ABL2: variants seen among roughly 807,000 people sequenced by gnomAD.
ABL2 encodes the protein ABL proto-oncogene 2, non-receptor tyrosine kinase, also known as tyrosine-protein kinase ABL2.
Under a neutral mutation model 107.7 loss-of-function variants are expected in ABL2, and 49 were observed. That is an observed-to-expected ratio of 0.45 (90% CI 0.36 to 0.58). ABL2 has a LOEUF of 0.58. Ranked by LOEUF, ABL2 falls within the 20% of genes least tolerant of loss-of-function variation. The pLI, the probability that ABL2 is intolerant of heterozygous loss-of-function variation, is 0.00. For synonymous variants in ABL2, 549 were observed against 548.6 expected, an observed-to-expected ratio of 1.00 and a Z score of -0.01; for missense variants, 1,245 against 1,457.0, an observed-to-expected ratio of 0.85 and a Z score of 2.37.
intron 1 of ABL2, among the ~76,000 whole-genome samples, chr1:179,215,694 CAAA>C (rs879696561): frequency 8.1e-6 from 1 of 123,100 alleles, no homozygotes. Context: ...GACTCTGCCT[CAAA>C]AAAAAAAAAG....
In ABL2 at chr1:179,114,846, C is replaced by T. The variant is rs371627537; in HGVS notation, c.1561+32G>A. The T allele has an allele frequency of 4.5e-5, 71 of 1,568,096 alleles. 1 individual carries two copies. The highest frequency in any genetic ancestry group is 6.0e-5 in the Non-Finnish European group (70 of 1,157,718). ...AACTATTCTGAACTGCTAGCTTATGCCTTCAAAATTAAAACATGCAAAAAT... is the reference window on the plus strand; with the variant it reads ...AACTATTCTGAACTGCTAGCTTATGTCTTCAAAATTAAAACATGCAAAAAT... On this transcript the variant is annotated intron_variant, in intron 9 of 11. Transcript: ENST00000502732.
chr1:179,163,281 G>A (rs1207598998), intron 1 of ABL2, among the ~76,000 whole-genome samples: 1 of 152,164 alleles, frequency 6.6e-6, no homozygotes, highest in Non-Finnish European at 1.5e-5. Flanking sequence ...TTGCTGAGGG[G>A]AACACAAAAT....
At chr1:179,120,362 C>A (rs1429360371) in intron 5 of ABL2, 88 bp from the exon 6 acceptor site, 13 of 683,564 alleles carry the variant, frequency 1.9e-5, no homozygotes, top group Non-Finnish European at 2.9e-5. Flanking sequence ...AATCATAAAG[C>A]TTCAGCTTTA....
At chr1:179,150,500 A>G (rs188521100) in intron 1 of ABL2, among the ~76,000 whole-genome samples, 84 of 152,304 alleles carry the variant, frequency 5.5e-4, no homozygotes, top group African/African-American at 1.8e-3. Flanking sequence ...AGAGAACTAG[A>G]ATTACAAGTG....
At chr1:179,136,127 A>G (rs1263766873) in intron 1 of ABL2, among the ~76,000 whole-genome samples, 1 of 145,950 alleles carries the variant, frequency 6.9e-6, no homozygotes. Context: ...CCCGTCCGGG[A>G]GGTGAGGGGC....
intron 1 of ABL2, among the ~76,000 whole-genome samples, chr1:179,189,993 T>C (rs1660906696): frequency 6.6e-6 from 1 of 152,128 alleles, no homozygotes; most frequent in African/African-American, 2.4e-5. Context: ...GCTAATTTTG[T>C]ATTTTTAGTA....
intron 1 of ABL2, among the ~76,000 whole-genome samples, chr1:179,185,844 A>T (rs1571274338): frequency 6.6e-6 from 1 of 152,180 alleles, no homozygotes; most frequent in African/African-American, 2.4e-5. Flanking sequence ...TAATTTAAAA[A>T]ATTACCTTCT....
intron 10 of ABL2, chr1:179,110,699 T>C: frequency 6.3e-7 from 1 of 1,599,656 alleles, no homozygotes; most frequent in South Asian, 1.1e-5. Context: ...AACGTGTGAA[T>C]ATACCACAAT....
chr1:179,161,945 ACT>A (rs1659092586), intron 1 of ABL2, among the ~76,000 whole-genome samples: 2 of 151,808 alleles, frequency 1.3e-5, no homozygotes, highest in African/African-American at 4.8e-5. Context: ...TCTCTTTCTC[ACT>A]CTCTTTGCCC....
rs118111259 is a variant in ABL2, at chr1:179,124,387, T to G, written c.687+1990A>C. 9.3e-5 allele frequency among the ~76,000 whole-genome samples: 14 copies of G among 150,816 alleles called. No homozygotes were observed. The East Asian group carries it at 2.5e-3, about 27-fold the overall frequency. ...TAACATGATCAGCACCCCAGAAGCC[T>G]CCCTTATGCTCTCCAGCTATTTGCC... On this transcript the variant is annotated intron_variant, in intron 4 of 11. Transcript: ENST00000502732.
chr1:179,208,344 C>T (rs935664894), intron 1 of ABL2, among the ~76,000 whole-genome samples: 1 of 151,816 alleles, frequency 6.6e-6, no homozygotes, highest in African/African-American at 2.4e-5. Flanking sequence ...ATTATTCCCA[C>T]CTTTATGTCC....
chr1:179,114,247 C>CAA (rs879471805), intron 9 of ABL2, among the ~76,000 whole-genome samples: 1 of 137,270 alleles, frequency 7.3e-6, no homozygotes. Context: ...GAGTCCGTCT[C>CAA]AAAAAAAAAA....
chr1:179,198,858 T>TA (rs1165474149), intron 1 of ABL2, among the ~76,000 whole-genome samples: 1 of 144,844 alleles, frequency 6.9e-6, no homozygotes, highest in Non-Finnish European at 1.5e-5. Context: ...TTTTTTTTTT[T>TA]AAAGATGGAG....
At chr1:179,223,064 C>T (rs1325951770) in intron 1 of ABL2, among the ~76,000 whole-genome samples, 2 of 145,372 alleles carry the variant, frequency 1.4e-5, no homozygotes. Flanking sequence ...GAGCCAAGAT[C>T]GCGCCACTGC....
intron 1 of ABL2, among the ~76,000 whole-genome samples, chr1:179,225,741 G>A (rs556885634): frequency 4.6e-5 from 7 of 152,156 alleles, no homozygotes; most frequent in Middle Eastern, 3.4e-3. Flanking sequence ...ATGCCGCCGA[G>A]GTTAAGAAAC....
chr1:179,190,105 C>G lies in ABL2; in HGVS notation c.157+39136G>C, dbSNP rs566895142. Among the ~76,000 whole-genome samples the G allele has an allele frequency of 9.2e-5, 14 of 152,220 alleles. 1 individual carries two copies. In the South Asian group the frequency reaches 2.9e-3, roughly 32 times the overall value. On this transcript the variant is annotated intron_variant, in intron 1 of 11. Coordinates refer to ENST00000502732, the MANE Select transcript of ABL2 (RefSeq NM_007314.4). Reference sequence around the variant, plus strand: ...GTGCTGGGATTACAGGCGTGAGCCACCGGGCCCAGCCTGGGTGTCTTACAA... The same window carrying G: ...GTGCTGGGATTACAGGCGTGAGCCAGCGGGCCCAGCCTGGGTGTCTTACAA...
At chr1:179,176,264 G>C (rs1464378492) in intron 1 of ABL2, among the ~76,000 whole-genome samples, 1 of 152,058 alleles carries the variant, frequency 6.6e-6, no homozygotes, top group African/African-American at 2.4e-5. Context: ...ATAAGATCTA[G>C]TATTTGATAG....
intron 4 of ABL2, among the ~76,000 whole-genome samples, chr1:179,125,264 G>GT (rs1283117998): frequency 6.6e-6 from 1 of 152,226 alleles, no homozygotes; most frequent in Non-Finnish European, 1.5e-5. Flanking sequence ...GAGGGCCATA[G>GT]TTTTACCTGG....
Position 179,131,286 on chromosome 1 carries a change from A to G in ABL2, c.391+25T>C, listed in dbSNP as rs145831338. The G allele has an allele frequency of 2.1e-4, 329 of 1,603,012 alleles. 1 individual carries two copies. The highest frequency in any genetic ancestry group is 2.7e-4 in the Non-Finnish European group (312 of 1,171,804). On this transcript the variant is annotated intron_variant, in intron 3 of 11. Coordinates refer to ENST00000502732, the MANE Select transcript of ABL2 (RefSeq NM_007314.4). ...AATCATTAATGAAAACTGAAAAGTGAAAGGATGCTACATAGAAGCCTCACC... is the reference window on the plus strand; with the variant it reads ...AATCATTAATGAAAACTGAAAAGTGGAAGGATGCTACATAGAAGCCTCACC...
Sources: allele counts gnomAD v4.1 joint callset (sites outside exome capture counted in the v4.1 genomes callset), GRCh38; gene constraint gnomAD v4.1.1; transcripts MANE v1.5; gene names NCBI Gene and HGNC (gene_info 2026-07-23, HGNC 2026-07-21).